The following FARP2 variants were observed in gnomAD, a reference collection of about 807,000 sequenced individuals.
FARP2 encodes FERM, ARH/RhoGEF and pleckstrin domain protein 2, also known as FERM, ARHGEF and pleckstrin domain-containing protein 2.
In FARP2, 111 loss-of-function variants were observed where a neutral mutation model predicts 130.5. That is an observed-to-expected ratio of 0.85 (90% CI 0.73 to 1.00). The LOEUF is 1.00. Ranked by LOEUF, FARP2 falls within the 50% of genes least tolerant of loss-of-function variation. The pLI is 0.00. For missense variants in FARP2, 1,385 were observed against 1,346.3 expected, an observed-to-expected ratio of 1.03 and a Z score of -0.45; for synonymous variants, 504 against 516.9, an observed-to-expected ratio of 0.98 and a Z score of 0.34.
chr2:241,393,075 A>AGTG (rs2061946937), intron 2 of FARP2, among the ~76,000 whole-genome samples: 1 of 151,188 alleles, frequency 6.6e-6, no homozygotes, highest in Non-Finnish European at 1.5e-5. Context: ...GCTGGAGTGC[A>AGTG]GTGGTGGCAT....
chr2:241,410,900 C>T, intron 5 of FARP2, 133 bp from the exon 6 acceptor site: 1 of 628,796 alleles, frequency 1.6e-6, no homozygotes, highest in Non-Finnish European at 2.8e-6. Context: ...TCGTGACCGC[C>T]TTGCGTTTTG....
At chr2:241,474,163 G>C (rs1004735606) in intron 18 of FARP2, among the ~76,000 whole-genome samples, 1 of 151,214 alleles carries the variant, frequency 6.6e-6, no homozygotes, top group Non-Finnish European at 1.5e-5. Context: ...AAAATTAGCC[G>C]GGCGTGGTGG....
chr2:241,411,042 T>C lies in FARP2; in HGVS notation c.420T>C (p.Phe140=), dbSNP rs772180716. ...TTGAACTCTCTTCTAGATACTTGTT[T>C]GCCTTGCAACTTAAGAGAGACCTGC... is the stretch of plus-strand genomic sequence containing the variant. ...QLQEEYTRYL[F]ALQLKRDLLE... is the part of the protein sequence containing the mutation. The change falls in exon 6 of 27, where the codon TTT becomes TTC. Residue 140 remains phenylalanine, a synonymous_variant. Coordinates refer to ENST00000264042, the MANE Select transcript of FARP2 (RefSeq NM_014808.4). 1 of 1,607,886 alleles carries C rather than the reference T, an allele frequency of 6.2e-7. No homozygotes were observed. Among genetic ancestry groups the C allele is most frequent in the South Asian group, 1.1e-5 (1 of 90,178 alleles).
At chr2:241,395,342 A>G (rs558675590) in intron 2 of FARP2, 74 of 152,300 alleles carry the variant, frequency 4.9e-4, no homozygotes, top group African/African-American at 1.6e-3. Flanking sequence ...CTAAAAATAT[A>G]TCTCTATACC....
At chr2:241,488,638 G>A (rs562648334) in intron 21 of FARP2, 1 of 152,192 alleles carries the variant, frequency 6.6e-6, no homozygotes, top group East Asian at 1.9e-4. Context: ...CTGACCTTGT[G>A]ATCCGCCCGC....
intron 13 of FARP2, chr2:241,447,085 T>C (rs2063530559): frequency 6.6e-6 from 1 of 152,252 alleles, no homozygotes. Context: ...TTTGCAGATA[T>C]GTACTAATTT....
At chr2:241,447,396 T>A (rs2063536370) in intron 13 of FARP2, among the ~76,000 whole-genome samples, 1 of 152,148 alleles carries the variant, frequency 6.6e-6, no homozygotes, top group African/African-American at 2.4e-5. Context: ...TTCTTGGTCT[T>A]AGCTCTGTCA....
chr2:241,491,153 G>T lies in FARP2; in HGVS notation c.2597G>T (p.Gly866Val), dbSNP rs151317700. 2 of 1,613,070 alleles carry T rather than the reference G, an allele frequency of 1.2e-6. No homozygotes were observed. Among genetic ancestry groups the T allele is most frequent in the African/African-American group, 2.7e-5 (2 of 75,032 alleles). Residue 866 changes from glycine (G) to valine (V), a missense_variant, in exon 23 of 27, where the codon GGC becomes GTC. Transcript: ENST00000264042. Reference sequence around the variant, plus strand: ...GGTGACACGGCCCCTGCACTGCCAGGCCGCACTGTGTGCACTCGTCCCCCC... The same window carrying T: ...GGTGACACGGCCCCTGCACTGCCAGTCCGCACTGTGTGCACTCGTCCCCCC... ...SGGDTAPALP[G>V]RTVCTRPPRS... is the part of the protein sequence containing the mutation.
chr2:241,467,274 TTAAG>T (rs2064195930), intron 17 of FARP2, among the ~76,000 whole-genome samples: 2 of 151,764 alleles, frequency 1.3e-5, no homozygotes, highest in African/African-American at 4.8e-5. Context: ...CAAAAAAACT[TTAAG>T]TTAGAGAATA....
intron 2 of FARP2, among the ~76,000 whole-genome samples, chr2:241,382,809 C>T (rs2061692798): frequency 6.6e-6 from 1 of 152,122 alleles, no homozygotes; most frequent in African/African-American, 2.4e-5. Context: ...GTAACATCTC[C>T]TGTTTAATAG....
In FARP2 at chr2:241,479,723, G is replaced by C. The variant is rs1248088246; in HGVS notation, c.2262+3736G>C. Among the ~76,000 whole-genome samples, 5 of 147,206 alleles carry C rather than the reference G, an allele frequency of 3.4e-5. No homozygotes were observed. The East Asian group carries it at 9.6e-4, about 28-fold the overall frequency. Reference sequence around the variant, plus strand: ...AGACTGATCTGTTCAACCCGTTAGCGTGAGGTAGCAGTGTTGCCTTGTCCC... The same window carrying C: ...AGACTGATCTGTTCAACCCGTTAGCCTGAGGTAGCAGTGTTGCCTTGTCCC... On this transcript the variant is annotated intron_variant, in intron 19 of 26. Transcript: ENST00000264042.
At chr2:241,470,913 C>G in intron 18 of FARP2, among the ~76,000 whole-genome samples, 1 of 150,606 alleles carries the variant, frequency 6.6e-6, no homozygotes, top group East Asian at 2.0e-4. Flanking sequence ...TGAGGAGACC[C>G]TATTCAGAGG....
chr2:241,357,568 G>T (rs539137385), intron 1 of FARP2, among the ~76,000 whole-genome samples: 6 of 152,290 alleles, frequency 3.9e-5, no homozygotes, highest in Admixed American at 3.9e-4. Context: ...TGACCAAGTT[G>T]CACAGCCCCG....
intron 22 of FARP2, 108 bp downstream of exon 22, chr2:241,490,152 A>C: frequency 1.2e-5 from 9 of 781,386 alleles, no homozygotes; most frequent in African/African-American, 1.7e-5. Context: ...ATGTAGCCTC[A>C]TGGGGTTGTG....
At chr2:241,422,768 CAT>C (rs1313146477) in intron 8 of FARP2, among the ~76,000 whole-genome samples, 1 of 152,178 alleles carries the variant, frequency 6.6e-6, no homozygotes, top group African/African-American at 2.4e-5. Flanking sequence ...TTGAGAGAAA[CAT>C]AACCTACCTG....
At position 241,456,885 on chromosome 2, in the gene FARP2, G is replaced by C; in HGVS notation, c.1550G>C (p.Gly517Ala). The C allele has an allele frequency of 6.2e-7, 1 of 1,609,868 alleles. No homozygotes were observed. Among genetic ancestry groups the C allele is most frequent in the Non-Finnish European group, 8.5e-7 (1 of 1,177,848 alleles). The stretch of plus-strand genomic sequence containing the variant: ...CTGAGCCCTGTCCTCAGTGATGCTG[G>C]CGGAGCCGGGATGGACTGCGAGGAG... The part of the protein sequence containing the change: ...PLLSPVLSDA[G>A]GAGMDCEEPR... Residue 517 changes from glycine (G) to alanine (A), a missense_variant, in exon 14 of 27, where the codon GGC becomes GCC. Transcript: ENST00000264042.
In FARP2 at chr2:241,475,469, CTT is replaced by C. The variant is rs2064434590; in HGVS notation, c.2132-387_2132-386del. Among the ~76,000 whole-genome samples, 1 of 152,190 alleles carries C rather than the reference CTT, an allele frequency of 6.6e-6. No homozygotes were observed. The highest frequency in any genetic ancestry group is 2.4e-5 in the African/African-American group (1 of 41,450). Reference sequence around the variant, plus strand: ...CTGTATTTACAGCCACTCCCCATTGCTTGCATTACCACCTGAGCTCCTCCTCC... The same window carrying C: ...CTGTATTTACAGCCACTCCCCATTGCGCATTACCACCTGAGCTCCTCCTCC... On this transcript the variant is annotated intron_variant, in intron 18 of 26. Transcript: ENST00000264042. The surrounding 1 kb of genome is among the most constrained non-coding windows in gnomAD (Gnocchi z 4.4).
In FARP2 at chr2:241,435,020, C is replaced by T. The variant is rs781226089; in HGVS notation, c.1090C>T (p.Pro364Ser). 1.9e-6 allele frequency: 3 copies of T among 1,586,120 alleles called. No individual in the cohort carries two copies. The South Asian group carries it at 3.4e-5, about 18-fold the overall frequency. Residue 364 changes from proline to serine, a missense_variant, in exon 11 of 27, where the codon CCA becomes TCA. Transcript: ENST00000264042. The stretch of plus-strand genomic sequence containing the variant: ...CAAAGACAGTGGAATGAAGAGAATT[C>T]CATATGAAAGGTAAGCTCTGGCCTT... ...YFKDSGMKRI[P>S]YERRHSKTHT...
chr2:241,439,024 AT>A (rs1026081475), intron 12 of FARP2, among the ~76,000 whole-genome samples: 5 of 150,568 alleles, frequency 3.3e-5, no homozygotes, highest in African/African-American at 4.9e-5. Flanking sequence ...ACACAGTTTG[AT>A]TTTTTTTTCT....
Sources: allele counts gnomAD v4.1 joint callset (sites outside exome capture counted in the v4.1 genomes callset), GRCh38; gene constraint gnomAD v4.1.1; non-coding constraint Gnocchi (gnomAD v3.1); transcripts MANE v1.5; gene names NCBI Gene and HGNC (gene_info 2026-07-23, HGNC 2026-07-21).